FMNL1: variants seen among roughly 807,000 people sequenced by gnomAD.
The protein encoded by FMNL1 is formin like 1.
A neutral mutation model predicts 121.3 loss-of-function variants in FMNL1; 43 were observed. The observed-to-expected ratio is 0.35, with a 90% CI of 0.28 to 0.46. The LOEUF (loss-of-function observed/expected upper bound fraction) is 0.46. Among genes scored for constraint, FMNL1 ranks in the 20% least tolerant of loss-of-function variants. The probability of loss-of-function intolerance (pLI) is 1.00; values close to 1 mark genes in which losing one functional copy is unlikely to be tolerated. For missense variants in FMNL1, 1,191 were observed against 1,482.4 expected (o/e 0.80, Z 3.23); for synonymous variants, 613 against 613.5 (o/e 1.00, Z 0.01).
At chr17:45,222,381 C>T (rs1035864265) in intron 1 of FMNL1, 128 bp downstream of exon 1, 5 of 804,334 alleles carry the variant, frequency 6.2e-6, no homozygotes, top group Non-Finnish European at 7.9e-6. Context: ...GCAGCTGCCC[C>T]CTCCAGGAGG....
At chr17:45,242,988 C>T in intron 16 of FMNL1, 130 bp from the exon 17 acceptor site, 1 of 991,948 alleles carries the variant, frequency 1.0e-6, no homozygotes, top group Non-Finnish European at 1.5e-6. Flanking sequence ...GGCCTGTGGT[C>T]AGGCTGGGTT....
chr17:45,246,285 A>C lies in FMNL1; in HGVS notation c.3166A>C (p.Ile1056Leu). 1 of 1,614,078 alleles carries C rather than the reference A, an allele frequency of 6.2e-7. No individual in the cohort carries two copies. Among genetic ancestry groups the C allele is most frequent in the Non-Finnish European group, 8.5e-7 (1 of 1,179,974 alleles). ...ACGGAGGCAGCAGAAGGAGCCACTC[A>C]TTTATGAGAGCGACCGTGATGGGGC... is the stretch of plus-strand genomic sequence containing the variant. ...LKRRQQKEPLIYESDRDGAIE... is the reference protein window; with the variant it reads ...LKRRQQKEPLLYESDRDGAIE... Residue 1056 changes from isoleucine to leucine, a missense_variant, in exon 25 of 27, where the codon ATT (isoleucine) becomes CTT (leucine). This residue lies in a region of FMNL1 where 367 missense variants were observed against 528.6 expected (regional missense o/e 0.69). Transcript: ENST00000331495.
intron 11 of FMNL1, among the ~76,000 whole-genome samples, chr17:45,239,727 T>C (rs1022290427): frequency 5.8e-4 from 88 of 151,906 alleles, no homozygotes; most frequent in African/African-American, 2.1e-3. Flanking sequence ...TATTGACACA[T>C]GGTACAACAT....
rs1202089582 is a variant in FMNL1 at position 45,233,869 on chromosome 17, G to A, written c.485+138G>A. 1.7e-5 allele frequency: 23 copies of A among 1,352,908 alleles called. No homozygotes were observed. Among genetic ancestry groups the A allele is most frequent in the Non-Finnish European group, 2.0e-5 (20 of 997,676 alleles). The allele number at this position is 1,352,908 out of a possible 1,614,324, so 83.8% of individuals were successfully genotyped here. A position where few individuals can be genotyped will look rare whatever the true frequency, so the allele number is the denominator to read the frequency against. On this transcript the variant is annotated intron_variant, in intron 5 of 26. Coordinates refer to ENST00000331495, the MANE Select transcript of FMNL1 (RefSeq NM_005892.4). This position sits in a 1 kb window ranked among gnomAD's most constrained non-coding sequence, Gnocchi z 4.1. ...TGGAACCCTCCACTTGGCCTTGAGC[G>A]ATGCTCCTTCCAGAAGGCCTGCCCC...
intron 1 of FMNL1, among the ~76,000 whole-genome samples, chr17:45,223,690 G>A (rs1017126619): frequency 2.0e-5 from 3 of 152,152 alleles, no homozygotes; most frequent in Non-Finnish European, 2.9e-5. Flanking sequence ...AGTCTCTGGG[G>A]GCCATCTGGA....
intron 15 of FMNL1, 35 bp downstream of exon 15, chr17:45,242,181 G>T (rs1414046969): frequency 6.5e-7 from 1 of 1,529,304 alleles, no homozygotes. Flanking sequence ...CCCGGGGCTG[G>T]GGGGAGATGG....
intron 11 of FMNL1, 35 bp from the exon 12 acceptor site, chr17:45,240,441 C>T (rs1204962132): frequency 1.3e-5 from 20 of 1,582,200 alleles, no homozygotes; most frequent in Non-Finnish European, 1.7e-5. Context: ...ACACACACAC[C>T]AGGCCTCACC....
rs2043570423 is a variant in FMNL1, at chr17:45,237,239, G to A, written c.724-42G>A. 6 of 1,603,196 alleles carry A rather than the reference G, an allele frequency of 3.7e-6. No individual in the cohort carries two copies. In the South Asian group the frequency reaches 5.5e-5, roughly 15 times the overall value. On this transcript the variant is annotated intron_variant, in intron 7 of 26. Transcript: ENST00000331495. The surrounding 1 kb of genome is among the most constrained non-coding windows in gnomAD (Gnocchi z 4.4). Reference sequence around the variant, plus strand: ...CGTGGCGTGGGTGCCTGAAGTCCTGGGGGGCCCTTCCTGGAGACACTGACC... The same window carrying A: ...CGTGGCGTGGGTGCCTGAAGTCCTGAGGGGCCCTTCCTGGAGACACTGACC...
At position 45,222,277 on chromosome 17, in the gene FMNL1, C is replaced by A; in HGVS notation, c.129+24C>A. The A allele has an allele frequency of 2.6e-6, 3 of 1,161,996 alleles. No homozygotes were observed. In the South Asian group the frequency reaches 1.3e-4, roughly 49 times the overall value. 72.0% of individuals were successfully genotyped at this position (1,161,996 alleles called of 1,614,324 possible). On this transcript the variant is annotated intron_variant, in intron 1 of 26. Coordinates refer to ENST00000331495, the MANE Select transcript of FMNL1 (RefSeq NM_005892.4). ...TGGTGAGTGCGACCCGGAGGCGGGT[C>A]GGGCGCGGGCGGGGGGCGGCAGGGG...
intron 5 of FMNL1, 41 bp from the exon 6 acceptor site, chr17:45,234,031 C>T: frequency 2.5e-6 from 4 of 1,608,924 alleles, no homozygotes; most frequent in Non-Finnish European, 3.4e-6. Context: ...TAAGTGGCCC[C>T]TGCAGTGTTG....
Position 45,240,620 on chromosome 17 carries a change from G to A in FMNL1, c.1225G>A (p.Ala409Thr), listed in dbSNP as rs747448773. The A allele has an allele frequency of 6.2e-7, 1 of 1,613,182 alleles. No individual in the cohort carries two copies. The highest frequency in any genetic ancestry group is 8.5e-7 in the Non-Finnish European group (1 of 1,179,732). Residue 409 changes from alanine (A) to threonine (T), a missense_variant, in exon 12 of 27, where the codon GCG becomes ACG. Around this residue, in one of 4 missense-constraint regions of FMNL1, gnomAD observed 519 missense variants for 492.8 expected, o/e 1.05. Transcript: ENST00000331495. ...CATGGAGGAACTGCAGGAGCAAGTG[G>A]CGCTGGTGAGAGTGGGTCCTGACCC... Reference protein sequence around the residue: ...EHMEELQEQVALLTERLRDAE... With the variant: ...EHMEELQEQVTLLTERLRDAE...
intron 6 of FMNL1, among the ~76,000 whole-genome samples, chr17:45,235,140 A>T (rs9905657): frequency 0.072 from 11,004 of 152,308 alleles, 410 homozygotes; most frequent in Admixed American, 0.12. Context: ...TTCAGCAAAC[A>T]TTTTTTTAAC....
In FMNL1 at chr17:45,229,199, G is replaced by A. The variant is rs963089737; in HGVS notation, c.130-1405G>A. ...ATGACGTATTCCACCCCCTTCAGCCGCTGGGGGCGGGGGGCCTGGCGGAGG... is the reference window on the plus strand; with the variant it reads ...ATGACGTATTCCACCCCCTTCAGCCACTGGGGGCGGGGGGCCTGGCGGAGG... On this transcript the variant is annotated intron_variant, in intron 1 of 26. Coordinates refer to ENST00000331495, the MANE Select transcript of FMNL1 (RefSeq NM_005892.4). Among the ~76,000 whole-genome samples, 19 of 152,340 alleles carry A rather than the reference G, an allele frequency of 1.2e-4. 1 individual carries two copies. In the Middle Eastern group the frequency reaches 0.01, roughly 82 times the overall value.
intron 19 of FMNL1, 41 bp from the exon 20 acceptor site, chr17:45,244,778 A>G (rs1203004974): frequency 6.3e-7 from 1 of 1,583,380 alleles, no homozygotes; most frequent in South Asian, 1.2e-5. Flanking sequence ...CGGTGTCCTC[A>G]GCTCTGGCAT....
Position 45,241,353 on chromosome 17 carries a change from G to A in FMNL1, c.1333-29G>A, listed in dbSNP as rs1428264942. 1.3e-6 allele frequency: 2 copies of A among 1,581,388 alleles called. No individual in the cohort carries two copies. Among genetic ancestry groups the A allele is most frequent in the South Asian group, 1.1e-5 (1 of 88,158 alleles). On this transcript the variant is annotated intron_variant, in intron 13 of 26. Coordinates refer to ENST00000331495, the MANE Select transcript of FMNL1 (RefSeq NM_005892.4). This position sits in a 1 kb window ranked among gnomAD's most constrained non-coding sequence, Gnocchi z 7.0. ...CTTGGTGCCAAGGAGCCTGCTGGTG[G>A]GCACTGACCCCTCCCGTGGGGTTCG...
chr17:45,230,834 GTGCTGGGGTC>G (rs2043422510), intron 2 of FMNL1, 147 bp downstream of exon 2: 1 of 801,870 alleles, frequency 1.2e-6, no homozygotes, highest in African/African-American at 1.8e-5. Flanking sequence ...CCTGGGGAGG[GTGCTGGGGTC>G]TGCAGGACTC....
chr17:45,241,799 C>G lies in FMNL1; in HGVS notation c.1586-48C>G. The G allele has an allele frequency of 7.1e-7, 1 of 1,406,554 alleles. No homozygotes were observed. Among genetic ancestry groups the G allele is most frequent in the Non-Finnish European group, 9.2e-7 (1 of 1,086,652 alleles). 87.1% of individuals were successfully genotyped at this position (1,406,554 alleles called of 1,614,324 possible). The stretch of plus-strand genomic sequence containing the variant: ...GAGGCGGAGAGGGGCCCACCCAAGT[C>G]AAGGAGCTGACTCGCGCCTCCCCCA... On this transcript the variant is annotated intron_variant, in intron 14 of 26. Coordinates refer to ENST00000331495, the MANE Select transcript of FMNL1 (RefSeq NM_005892.4). The surrounding 1 kb of genome is among the most constrained non-coding windows in gnomAD (Gnocchi z 7.0).
chr17:45,238,993 G>C lies in FMNL1; in HGVS notation c.1008G>C (p.Ser336=), dbSNP rs12940312. The part of the protein sequence containing the change: ...CMQFINIVVH[S]VENMNFRVFL... ...AGTTCATCAACATTGTGGTACATTC[G>C]GTGGAGAACATGAACTTCCGTGTCT... Residue 336 remains serine (S), a synonymous_variant, in exon 11 of 27, where the codon TCG becomes TCC. Transcript: ENST00000331495. The C allele has an allele frequency of 6.2e-7, 1 of 1,614,106 alleles. No homozygotes were observed. The highest frequency in any genetic ancestry group is 8.5e-7 in the Non-Finnish European group (1 of 1,180,008).
chr17:45,242,102 G>A lies in FMNL1; in HGVS notation c.1841G>A (p.Gly614Asp). ...PPPPPPPPPG[G>D]PPDALGRRDS... Reference sequence around the variant, plus strand: ...CCGCCGCCGCCGCCGCCTCCCGGAGGTCCTCCTGATGCCCTAGGAAGACGC... The same window carrying A: ...CCGCCGCCGCCGCCGCCTCCCGGAGATCCTCCTGATGCCCTAGGAAGACGC... The change falls in exon 15 of 27, where the codon GGT (glycine) becomes GAT (aspartate). Residue 614 changes from glycine to aspartate, a missense_variant. Transcript: ENST00000331495. 6.6e-7 allele frequency: 1 copy of A among 1,512,860 alleles called. No individual in the cohort carries two copies. Among genetic ancestry groups the A allele is most frequent in the Non-Finnish European group, 8.8e-7 (1 of 1,132,172 alleles). The allele number at this position is 1,512,860 out of a possible 1,614,324, so 93.7% of individuals were successfully genotyped here.
Sources: allele counts gnomAD v4.1 joint callset (sites outside exome capture counted in the v4.1 genomes callset), GRCh38; gene constraint gnomAD v4.1.1; regional missense constraint gnomAD v4.1.1; non-coding constraint Gnocchi (gnomAD v3.1); transcripts MANE v1.5; gene names NCBI Gene and HGNC (gene_info 2026-07-23, HGNC 2026-07-21).